The following MGA variants were observed in gnomAD, a reference collection of about 807,000 sequenced individuals.
MGA encodes MAX dimerization protein MGA, also known as MAX gene-associated protein.
Under a neutral mutation model 261.1 loss-of-function variants are expected in MGA, and 40 were observed. The ratio of observed to expected loss-of-function variants is 0.15; its 90% CI spans 0.12 to 0.20. The LOEUF (loss-of-function observed/expected upper bound fraction) is 0.20, where lower values mean the gene tolerates loss of function less well. MGA is among the 10% of genes least tolerant of loss of function. MGA has a pLI of 1.00. For missense variants in MGA, 3,397 were observed against 3,630.5 expected, an observed-to-expected ratio of 0.94 and a Z score of 1.65; for synonymous variants, 1,302 against 1,290.6, an observed-to-expected ratio of 1.01 and a Z score of -0.19.
chr15:41,649,591 A>G (rs1020284525), intron 1 of MGA, among the ~76,000 whole-genome samples: 1 of 152,150 alleles, frequency 6.6e-6, no homozygotes, highest in African/African-American at 2.4e-5. Context: ...TGTAGAAGGA[A>G]GGGAGAGGAG....
chr15:41,647,478 T>C (rs539818687), intron 1 of MGA, among the ~76,000 whole-genome samples: 1 of 152,316 alleles, frequency 6.6e-6, no homozygotes, highest in South Asian at 2.1e-4. Flanking sequence ...TTTTCTGTTG[T>C]TAAATCCTTG....
chr15:41,765,198 C>T, intron 23 of MGA, 136 bp downstream of exon 23: 1 of 1,041,896 alleles, frequency 9.6e-7, no homozygotes, highest in Non-Finnish European at 1.4e-6. Flanking sequence ...TAAGAGGTGG[C>T]CCTATTTTTA....
intron 1 of MGA, among the ~76,000 whole-genome samples, chr15:41,639,633 C>T (rs1431613662): frequency 6.6e-6 from 1 of 152,064 alleles, no homozygotes; most frequent in Non-Finnish European, 1.5e-5. Context: ...CAAGCACCGT[C>T]TCCTAGGTTC....
intron 2 of MGA, among the ~76,000 whole-genome samples, chr15:41,681,491 G>T (rs894647016): frequency 3.3e-5 from 5 of 150,716 alleles, no homozygotes; most frequent in Admixed American, 1.3e-4. Flanking sequence ...TCACTTGGTT[G>T]CCCAGGCTGG....
At chr15:41,666,281 TC>T (rs2057733048) in intron 1 of MGA, among the ~76,000 whole-genome samples, 1 of 152,230 alleles carries the variant, frequency 6.6e-6, no homozygotes. Context: ...TTCCAAGTCA[TC>T]AAGTTTTCCT....
intron 9 of MGA, among the ~76,000 whole-genome samples, chr15:41,716,418 C>T (rs2060639491): frequency 6.6e-6 from 1 of 151,840 alleles, no homozygotes; most frequent in African/African-American, 2.4e-5. Flanking sequence ...TGTGCCACTG[C>T]ACTCCAGCCT....
chr15:41,724,807 C>T (rs560150299), intron 9 of MGA, among the ~76,000 whole-genome samples: 1 of 152,208 alleles, frequency 6.6e-6, no homozygotes, highest in Admixed American at 6.5e-5. Context: ...TTTGTTGTCC[C>T]CACCTCCCAC....
At chr15:41,654,202 G>A (rs1250692590) in intron 1 of MGA, among the ~76,000 whole-genome samples, 1 of 152,104 alleles carries the variant, frequency 6.6e-6, no homozygotes, top group African/African-American at 2.4e-5. Flanking sequence ...GCTATCTAGG[G>A]AGGCTGCTGT....
At chr15:41,661,403 G>A (rs2057390833) in intron 1 of MGA, among the ~76,000 whole-genome samples, 1 of 150,532 alleles carries the variant, frequency 6.6e-6, no homozygotes, top group South Asian at 2.1e-4. Context: ...AGAATATGGG[G>A]AAACTAGGGA....
chr15:41,729,719 C>G (rs932456764), intron 11 of MGA, among the ~76,000 whole-genome samples: 10 of 151,906 alleles, frequency 6.6e-5, no homozygotes, highest in African/African-American at 2.2e-4. Context: ...TCCCAACTAC[C>G]TGGGGTGCTG....
chr15:41,738,744 A>C (rs542518382), intron 13 of MGA, among the ~76,000 whole-genome samples: 35 of 152,322 alleles, frequency 2.3e-4, no homozygotes, highest in Admixed American at 1.9e-3. Context: ...GCGCAGTCCC[A>C]AGGGATCCGG....
At chr15:41,722,331 A>G (rs529639439) in intron 9 of MGA, among the ~76,000 whole-genome samples, 84 of 152,136 alleles carry the variant, frequency 5.5e-4, no homozygotes, top group African/African-American at 1.9e-3. Flanking sequence ...GGGTTTCACC[A>G]TGTTAGCCAA....
chr15:41,639,510 T>C (rs1403769789), intron 1 of MGA, among the ~76,000 whole-genome samples: 3 of 150,596 alleles, frequency 2.0e-5, no homozygotes, highest in Non-Finnish European at 3.0e-5. Context: ...GTCAGGAGCA[T>C]GTAGTTTTTT....
rs1566952193 is a variant in MGA, at chr15:41,669,141, A to G, written c.247A>G (p.Ser83Gly). 1 of 1,613,800 alleles carries G rather than the reference A, an allele frequency of 6.2e-7. No individual in the cohort carries two copies. The highest frequency in any genetic ancestry group is 1.1e-5 in the South Asian group (1 of 91,086). Residue 83 changes from serine to glycine, a missense_variant, in exon 2 of 24, where the codon AGT becomes GGT. Transcript: ENST00000219905. ...AATCACTGTTACCCTCGATAACAAT[A>G]GTATGTGGAATGAGTTCTATCATCG...
chr15:41,679,296 A>G (rs1436566560), intron 2 of MGA, among the ~76,000 whole-genome samples: 7 of 152,060 alleles, frequency 4.6e-5, no homozygotes, highest in African/African-American at 7.2e-5. Context: ...TGGCCTCCCA[A>G]AGTGCTGGGA....
chr15:41,744,393 C>T (rs143652014), intron 15 of MGA, among the ~76,000 whole-genome samples: 6 of 152,072 alleles, frequency 3.9e-5, no homozygotes, highest in African/African-American at 2.4e-5. Context: ...TCAGTAGAGA[C>T]GAGGTTTCTC....
At position 41,749,099 on chromosome 15, in the gene MGA, T is replaced by G. The variant is rs1329454259; in HGVS notation, c.5504-12T>G. ...CATGATTTAAAAATTTCTCTCTTAT[T>G]TTTTAAACCAGGGTCTGTGATGGGA... is the stretch of plus-strand genomic sequence containing the variant. On this transcript the variant is annotated splice_polypyrimidine_tract_variant and intron_variant, in intron 16 of 23. Coordinates refer to ENST00000219905, the MANE Select transcript of MGA (RefSeq NM_001164273.2). 6.3e-7 allele frequency: 1 copy of G among 1,593,302 alleles called. No individual in the cohort carries two copies. Among genetic ancestry groups the G allele is most frequent in the Non-Finnish European group, 8.5e-7 (1 of 1,170,448 alleles).
chr15:41,710,912 T>A lies in MGA; in HGVS notation c.2647T>A (p.Ser883Thr). 1 of 1,613,944 alleles carries A rather than the reference T, an allele frequency of 6.2e-7. No homozygotes were observed. Among genetic ancestry groups the A allele is most frequent in the Non-Finnish European group, 8.5e-7 (1 of 1,179,852 alleles). Residue 883 changes from serine to threonine, a missense_variant, in exon 8 of 24, where the codon TCT becomes ACT. Coordinates refer to ENST00000219905, the MANE Select transcript of MGA (RefSeq NM_001164273.2). Reference sequence around the variant, plus strand: ...GCAATCTACTATTTCCCCTTCTACCTCTTATTCTTTGAAACCTCATTCTGT... The same window carrying A: ...GCAATCTACTATTTCCCCTTCTACCACTTATTCTTTGAAACCTCATTCTGT...
At chr15:41,678,698 C>T (rs961153006) in intron 2 of MGA, among the ~76,000 whole-genome samples, 15 of 150,084 alleles carry the variant, frequency 1.0e-4, no homozygotes, top group African/African-American at 2.4e-4. Flanking sequence ...ACCCGGGAGG[C>T]GGAGGTTGCA....
Sources: allele counts gnomAD v4.1 joint callset (sites outside exome capture counted in the v4.1 genomes callset), GRCh38; gene constraint gnomAD v4.1.1; transcripts MANE v1.5; gene names NCBI Gene and HGNC (gene_info 2026-07-23, HGNC 2026-07-21).